Variants in MCF2L observed in about 807,000 individuals in gnomAD.
The protein encoded by MCF2L is guanine nucleotide exchange factor DBS.
Under a neutral mutation model 153.4 loss-of-function variants are expected in MCF2L, and 97 were observed. The observed-to-expected ratio is 0.63, with a 90% CI of 0.54 to 0.75. The LOEUF (loss-of-function observed/expected upper bound fraction) is 0.75. Among genes scored for constraint, MCF2L ranks in the 30% least tolerant of loss-of-function variants. The probability of loss-of-function intolerance (pLI) is 0.00; values close to 1 mark genes in which losing one functional copy is unlikely to be tolerated. For missense variants in MCF2L, 1,347 were observed against 1,495.2 expected (o/e 0.90, Z 1.64); for synonymous variants, 659 against 632.2 (o/e 1.04, Z -0.64).
chr13:113,020,638 C>T (rs1177887591), intron 2 of MCF2L, among the ~76,000 whole-genome samples: 4 of 152,216 alleles, frequency 2.6e-5, no homozygotes, highest in African/African-American at 4.8e-5. Context: ...CCACAGAATC[C>T]CATTCACGGG....
chr13:112,987,340 G>T lies in MCF2L; in HGVS notation c.79+17882G>T, dbSNP rs545856212. Among the ~76,000 whole-genome samples the T allele has an allele frequency of 9.9e-3, 439 of 44,428 alleles. 1 individual carries two copies. Among genetic ancestry groups the T allele is most frequent in the African/African-American group, 0.025 (416 of 16,894 alleles). The allele number at this position is 44,428 out of a possible 152,430, so 29.1% of individuals were successfully genotyped here. ...TTGTGGACGCAGCCCAGGGCTCGTTGTCTGCCCCCTGATCCACCCAGCACA... is the reference window on the plus strand; with the variant it reads ...TTGTGGACGCAGCCCAGGGCTCGTTTTCTGCCCCCTGATCCACCCAGCACA... On this transcript the variant is annotated intron_variant, in intron 1 of 29. Transcript: ENST00000535094.
chr13:112,927,992 A>T (rs2081425140), intron 2 of MCF2L, among the ~76,000 whole-genome samples: 1 of 152,098 alleles, frequency 6.6e-6, no homozygotes, highest in South Asian at 2.1e-4. Flanking sequence ...AACACAGAGA[A>T]AAATAACAGG....
At chr13:113,078,295 CT>C in intron 13 of MCF2L, 67 bp from the exon 14 acceptor site, 1 of 1,314,890 alleles carries the variant, frequency 7.6e-7, no homozygotes, top group Non-Finnish European at 1.1e-6. Context: ...CCTTTTCCCG[CT>C]GGGTGCACTT....
Position 113,094,653 on chromosome 13 carries a change from G to C in MCF2L, c.3075+18G>C, listed in dbSNP as rs774541043. ...AGAAGCTGGTAACCACGGCTTCCCT[G>C]TGGGCACTTGGGGTGGGGGCTGCCC... On this transcript the variant is annotated intron_variant, in intron 27 of 29. Transcript: ENST00000535094. The C allele has an allele frequency of 6.2e-7, 1 of 1,603,700 alleles. No individual in the cohort carries two copies. Among genetic ancestry groups the C allele is most frequent in the South Asian group, 1.1e-5 (1 of 89,698 alleles).
chr13:113,091,242 A>AGC (rs1392988539), intron 26 of MCF2L: 7 of 1,300,448 alleles, frequency 5.4e-6, no homozygotes, highest in Non-Finnish European at 5.1e-6. Flanking sequence ...GTTGGCAGGA[A>AGC]GCGCGGCCCA....
intron 1 of MCF2L, chr13:112,985,183 C>T (rs1020229246): frequency 1.2e-5 from 4 of 344,988 alleles, no homozygotes; most frequent in African/African-American, 2.2e-5. Context: ...AACATCAGGG[C>T]GGAGCAGGAA....
intron 2 of MCF2L, among the ~76,000 whole-genome samples, chr13:112,927,857 A>T (rs1301130662): frequency 6.6e-6 from 1 of 152,174 alleles, no homozygotes; most frequent in Non-Finnish European, 1.5e-5. Context: ...CAACAACAAA[A>T]ATACAAAGAA....
chr13:113,031,370 A>G lies in MCF2L; in HGVS notation c.278+6612A>G, dbSNP rs1414814047. ...AGGAACTTAATGTAAACTGGGAAGCATTCGTCACAGAGATCCCAGGAGGGC... is the reference window on the plus strand; with the variant it reads ...AGGAACTTAATGTAAACTGGGAAGCGTTCGTCACAGAGATCCCAGGAGGGC... On this transcript the variant is annotated intron_variant, in intron 3 of 29. Coordinates refer to ENST00000535094, the MANE Select transcript of MCF2L (RefSeq NM_001112732.3). This position sits in a 1 kb window ranked among gnomAD's most constrained non-coding sequence, Gnocchi z 5.5. 6.6e-6 allele frequency among the ~76,000 whole-genome samples: 1 copy of G among 152,202 alleles called. No homozygotes were observed. The highest frequency in any genetic ancestry group is 1.5e-5 in the Non-Finnish European group (1 of 68,042).
chr13:112,902,695 G>A (rs941983139), intron 2 of MCF2L, among the ~76,000 whole-genome samples: 6 of 152,236 alleles, frequency 3.9e-5, no homozygotes, highest in Non-Finnish European at 8.8e-5. Flanking sequence ...TCCAAATAAA[G>A]CACAGTATAC....
chr13:112,938,500 AATTTGTTTCATTG>A (rs1248134966), intron 2 of MCF2L, among the ~76,000 whole-genome samples: 2 of 152,140 alleles, frequency 1.3e-5, no homozygotes, highest in African/African-American at 4.8e-5. Flanking sequence ...ATTTGTTCAC[AATTTGTTTCATTG>A]TGAAATGAAG....
chr13:112,906,629 T>C (rs1043568803), intron 2 of MCF2L, among the ~76,000 whole-genome samples: 8 of 152,228 alleles, frequency 5.3e-5, no homozygotes, highest in South Asian at 2.1e-4. Flanking sequence ...TGGTGCGTAA[T>C]GCGTTCTGGC....
At chr13:112,915,705 TTTTC>T in intron 2 of MCF2L, among the ~76,000 whole-genome samples, 1 of 152,160 alleles carries the variant, frequency 6.6e-6, no homozygotes, top group African/African-American at 2.4e-5. Context: ...ATAATCATGG[TTTTC>T]TTTCTTGTCA....
At chr13:113,032,608 A>T (rs2085795849) in intron 3 of MCF2L, among the ~76,000 whole-genome samples, 1 of 152,020 alleles carries the variant, frequency 6.6e-6, no homozygotes. Context: ...TTGCTCTGTC[A>T]CCCAGACTGG....
intron 24 of MCF2L, 30 bp downstream of exon 24, chr13:113,088,435 G>A (rs368236024): frequency 3.3e-5 from 54 of 1,612,154 alleles, no homozygotes; most frequent in Middle Eastern, 1.6e-4. Context: ...ATCGTTTCCC[G>A]TAGCTTCCGC....
At chr13:113,007,888 G>GT (rs36101020) in intron 1 of MCF2L, among the ~76,000 whole-genome samples, 104,959 of 150,624 alleles carry the variant, frequency 0.7, 37,969 homozygotes, top group Middle Eastern at 0.81. Flanking sequence ...GCTTAAATGG[G>GT]TTTTTAGTAT....
At chr13:112,898,266 C>T (rs570818238) in intron 1 of MCF2L, among the ~76,000 whole-genome samples, 1 of 152,344 alleles carries the variant, frequency 6.6e-6, no homozygotes, top group South Asian at 2.1e-4. Context: ...TCCACCCAGT[C>T]CTCAGCAGCT....
Position 112,982,206 on chromosome 13 carries a change from G to A in MCF2L, c.79+12748G>A, listed in dbSNP as rs368463598. Among the ~76,000 whole-genome samples the A allele has an allele frequency of 6.7e-4, 102 of 152,316 alleles. 2 individuals carry two copies. In the South Asian group the frequency reaches 0.02, roughly 30 times the overall value. ...TCCAAGGAGGGCAGAGAAGCCCCAC[G>A]TACTCCTAGTAATGGAGGCCGTGCC... On this transcript the variant is annotated intron_variant, in intron 1 of 29. Transcript: ENST00000535094.
intron 1 of MCF2L, among the ~76,000 whole-genome samples, chr13:112,898,772 A>G (rs2081092423): frequency 6.6e-6 from 1 of 151,702 alleles, no homozygotes; most frequent in South Asian, 2.1e-4. Context: ...CTTGTCCATC[A>G]CACCTCTGCC....
intron 4 of MCF2L, among the ~76,000 whole-genome samples, chr13:113,051,972 T>C (rs1475276656): frequency 6.6e-6 from 1 of 152,184 alleles, no homozygotes; most frequent in Non-Finnish European, 1.5e-5. Context: ...TGCCTCTCAA[T>C]GCTGCCATGA....
Sources: allele counts gnomAD v4.1 joint callset (sites outside exome capture counted in the v4.1 genomes callset), GRCh38; gene constraint gnomAD v4.1.1; non-coding constraint Gnocchi (gnomAD v3.1); transcripts MANE v1.5; gene names NCBI Gene and HGNC (gene_info 2026-07-23, HGNC 2026-07-21).